The following XKR4 variants were observed in gnomAD, a reference collection of about 807,000 sequenced individuals.
The protein encoded by XKR4 is XK-related protein 4.
XKR4 carries 12 observed loss-of-function variants against 53.9 expected under a neutral mutation model. The observed-to-expected ratio is 0.22, with a 90% CI of 0.14 to 0.36. The LOEUF (loss-of-function observed/expected upper bound fraction) is 0.36, where lower values mean the gene tolerates loss of function less well. Among genes scored for constraint, XKR4 ranks in the 10% least tolerant of loss-of-function variants. XKR4 has a pLI of 1.00. For missense variants in XKR4, 799 were observed against 859.5 expected, an observed-to-expected ratio of 0.93 and a Z score of 0.88; for synonymous variants, 354 against 362.4, an observed-to-expected ratio of 0.98 and a Z score of 0.26.
chr8:55,227,348 T>C (rs1270431924), intron 1 of XKR4, among the ~76,000 whole-genome samples: 1 of 152,218 alleles, frequency 6.6e-6, no homozygotes, highest in African/African-American at 2.4e-5. Flanking sequence ...TTTCATTCTA[T>C]AAAGAACCAC....
chr8:55,192,215 T>TGTA (rs1281554188), intron 1 of XKR4, among the ~76,000 whole-genome samples: 621 of 143,500 alleles, frequency 4.3e-3, no homozygotes, highest in Non-Finnish European at 5.4e-3. Context: ...AGGGACTTAA[T>TGTA]ACAATTCTTA....
At chr8:55,205,050 G>T (rs1399100552) in intron 1 of XKR4, among the ~76,000 whole-genome samples, 3 of 152,194 alleles carry the variant, frequency 2.0e-5, no homozygotes, top group Non-Finnish European at 4.4e-5. Flanking sequence ...CAGTTCCCCA[G>T]GAGGCTTTCC....
chr8:55,352,199 G>A (rs779309510), intron 1 of XKR4, among the ~76,000 whole-genome samples: 2 of 152,252 alleles, frequency 1.3e-5, no homozygotes, highest in East Asian at 3.8e-4. Context: ...GGTGGGGAGA[G>A]AGGCCAAGGG....
At chr8:55,431,323 C>G (rs765133930) in intron 2 of XKR4, among the ~76,000 whole-genome samples, 4 of 152,024 alleles carry the variant, frequency 2.6e-5, no homozygotes, top group Non-Finnish European at 4.4e-5. Context: ...ATTTAATTCC[C>G]AAAACATCAT....
intron 1 of XKR4, among the ~76,000 whole-genome samples, chr8:55,322,425 C>T (rs1159559212): frequency 6.6e-6 from 1 of 152,182 alleles, no homozygotes; most frequent in East Asian, 1.9e-4. Flanking sequence ...CTAGTAAAAA[C>T]AGCAACTATG....
chr8:55,107,735 C>T (rs1232026550), intron 1 of XKR4, among the ~76,000 whole-genome samples: 1 of 152,180 alleles, frequency 6.6e-6, no homozygotes, highest in African/African-American at 2.4e-5. Flanking sequence ...ATATAGGTTA[C>T]ACCTTTGACT....
At chr8:55,462,873 A>G (rs1805685188) in intron 2 of XKR4, among the ~76,000 whole-genome samples, 1 of 152,218 alleles carries the variant, frequency 6.6e-6, no homozygotes, top group African/African-American at 2.4e-5. Context: ...CAAAAGAGAC[A>G]AAGAAGGCCA....
rs1173116397 is a variant in XKR4, at chr8:55,323,987, CCTTT to C, written c.807-33690_807-33687del. Among the ~76,000 whole-genome samples, 189 of 152,256 alleles carry C rather than the reference CCTTT, an allele frequency of 1.2e-3. 4 individuals carry two copies. The highest frequency in any genetic ancestry group is 3.5e-3 in the African/African-American group (145 of 41,544). On this transcript the variant is annotated intron_variant, in intron 1 of 2. Coordinates refer to ENST00000327381, the MANE Select transcript of XKR4 (RefSeq NM_052898.2). ...TTCATTCCTCTGCTAGGAATGTCAA[CCTTT>C]TCATTTACTTAAATGTGTTTGCCTT... is the stretch of plus-strand genomic sequence containing the variant.
At chr8:55,352,745 G>C (rs141693743) in intron 1 of XKR4, among the ~76,000 whole-genome samples, 212 of 152,302 alleles carry the variant, frequency 1.4e-3, no homozygotes, top group African/African-American at 4.8e-3. Flanking sequence ...TTAAGGCAGA[G>C]AGATTTTAAG....
At chr8:55,205,835 G>C (rs1051923494) in intron 1 of XKR4, among the ~76,000 whole-genome samples, 3 of 152,198 alleles carry the variant, frequency 2.0e-5, no homozygotes, top group Non-Finnish European at 4.4e-5. Flanking sequence ...CTGACTTCAA[G>C]AATGAAGTCG....
intron 1 of XKR4, among the ~76,000 whole-genome samples, chr8:55,267,240 G>T (rs1350408556): frequency 6.6e-6 from 1 of 152,054 alleles, no homozygotes; most frequent in Non-Finnish European, 1.5e-5. Flanking sequence ...AAAACCTATG[G>T]GTTACTATAT....
At chr8:55,192,359 C>T (rs1364950272) in intron 1 of XKR4, among the ~76,000 whole-genome samples, 1 of 151,696 alleles carries the variant, frequency 6.6e-6, no homozygotes, top group Non-Finnish European at 1.5e-5. Flanking sequence ...AATGGCCACA[C>T]TGATGTTTAT....
At chr8:55,142,225 T>C (rs1816716437) in intron 1 of XKR4, 1 of 455,654 alleles carries the variant, frequency 2.2e-6, no homozygotes, top group Non-Finnish European at 4.4e-6. Context: ...GAACTTCATG[T>C]CATTGAAACT....
intron 2 of XKR4, among the ~76,000 whole-genome samples, chr8:55,389,818 T>G (rs988929056): frequency 6.6e-6 from 1 of 152,202 alleles, no homozygotes; most frequent in East Asian, 1.9e-4. Context: ...CTTCTCTGCT[T>G]AGTTACTGCT....
intron 2 of XKR4, among the ~76,000 whole-genome samples, chr8:55,439,867 C>G (rs1805239974): frequency 6.6e-6 from 1 of 152,052 alleles, no homozygotes; most frequent in African/African-American, 2.4e-5. Context: ...CTCAAGAAGC[C>G]TAATTAATCT....
chr8:55,412,722 A>G (rs1380303648), intron 2 of XKR4, among the ~76,000 whole-genome samples: 1 of 152,230 alleles, frequency 6.6e-6, no homozygotes, highest in African/African-American at 2.4e-5. Flanking sequence ...GGCAGCATCA[A>G]GTGTGTTAAG....
rs188437712 is a variant in XKR4 at position 55,537,651 on chromosome 8, C to A, written c.*13424C>A. ...TTGTGTCACATTCTACACTCAGTGC[C>A]AAGTTAGAATGTCTTTATGGGGAAG... On this transcript the variant is annotated 3_prime_UTR_variant, in exon 3 of 3. Coordinates refer to ENST00000327381, the MANE Select transcript of XKR4 (RefSeq NM_052898.2). 1.3e-5 allele frequency: 2 copies of A among 152,274 alleles called. No individual in the cohort carries two copies. The highest frequency in any genetic ancestry group is 3.9e-4 in the East Asian group (2 of 5,188). 9.4% of individuals were successfully genotyped at this position (152,274 alleles called of 1,614,324 possible). A position where few individuals can be genotyped will look rare whatever the true frequency, so the allele number is the denominator to read the frequency against.
At chr8:55,373,627 T>A (rs1009322320) in intron 2 of XKR4, among the ~76,000 whole-genome samples, 1 of 152,222 alleles carries the variant, frequency 6.6e-6, no homozygotes, top group African/African-American at 2.4e-5. Context: ...ATCTAAAACA[T>A]TGAGTTAAAA....
chr8:55,146,650 C>A (rs1463509038), intron 1 of XKR4, among the ~76,000 whole-genome samples: 1 of 152,172 alleles, frequency 6.6e-6, no homozygotes. Context: ...CTGGAGGAAA[C>A]TGTATCTTTT....
Sources: allele counts gnomAD v4.1 joint callset (sites outside exome capture counted in the v4.1 genomes callset), GRCh38; gene constraint gnomAD v4.1.1; transcripts MANE v1.5; gene names NCBI Gene and HGNC (gene_info 2026-07-23, HGNC 2026-07-21).